The following PLCB1 variants were observed in gnomAD, a reference collection of about 807,000 sequenced individuals.
PLCB1 encodes the protein phospholipase C beta 1, also known as 1-phosphatidylinositol 4,5-bisphosphate phosphodiesterase beta-1.
In PLCB1, 46 loss-of-function variants were observed where a neutral mutation model predicts 161.8. The ratio of observed to expected loss-of-function variants is 0.28; its 90% CI spans 0.22 to 0.36. The LOEUF is 0.36. Among genes scored for constraint, PLCB1 ranks in the 10% least tolerant of loss-of-function variants. The pLI, the probability that PLCB1 is intolerant of heterozygous loss-of-function variation, is 1.00. For missense variants in PLCB1, 1,016 were observed against 1,472.5 expected, an observed-to-expected ratio of 0.69 and a Z score of 5.07; for synonymous variants, 517 against 503.7, an observed-to-expected ratio of 1.03 and a Z score of -0.35.
chr20:8,591,188 G>GC (rs1208107711), intron 3 of PLCB1, among the ~76,000 whole-genome samples: 1 of 152,124 alleles, frequency 6.6e-6, no homozygotes, highest in African/African-American at 2.4e-5. Context: ...ATTCCATGGT[G>GC]TATAAGATCA....
chr20:8,243,468 C>G (rs1980720067), intron 2 of PLCB1, among the ~76,000 whole-genome samples: 1 of 151,918 alleles, frequency 6.6e-6, no homozygotes, highest in African/African-American at 2.4e-5. Flanking sequence ...CCTGCCAGTT[C>G]CTGGTGGAAG....
chr20:8,657,261 A>G lies in PLCB1; in HGVS notation c.672A>G (p.Glu224=), dbSNP rs1555780720. Residue 224 remains glutamate, a synonymous_variant, in exon 8 of 32, where the codon GAA becomes GAG. Transcript: ENST00000338037. ...VFLNNLCPRP[E]IDNIFSEFGA... The stretch of plus-strand genomic sequence containing the variant: ...TCAACAACCTTTGCCCTCGACCTGA[A>G]ATTGATAACATCTTTTCAGAATTGT... 6.3e-7 allele frequency: 1 copy of G among 1,599,112 alleles called. No individual in the cohort carries two copies. The highest frequency in any genetic ancestry group is 8.6e-7 in the Non-Finnish European group (1 of 1,166,614).
intron 3 of PLCB1, among the ~76,000 whole-genome samples, chr20:8,450,585 C>T (rs1211906967): frequency 2.0e-5 from 3 of 152,022 alleles, no homozygotes; most frequent in Non-Finnish European, 2.9e-5. Context: ...CTCAAACATC[C>T]AGGTAGCTTT....
intron 12 of PLCB1, among the ~76,000 whole-genome samples, chr20:8,710,074 G>C (rs1043510091): frequency 6.6e-6 from 1 of 152,158 alleles, no homozygotes; most frequent in Non-Finnish European, 1.5e-5. Context: ...ATAAAGAAAT[G>C]CCTGGGTAAG....
chr20:8,574,985 C>T (rs1986631965), intron 3 of PLCB1, among the ~76,000 whole-genome samples: 2 of 152,176 alleles, frequency 1.3e-5, no homozygotes, highest in African/African-American at 2.4e-5. Flanking sequence ...GGACAATAGT[C>T]GTTAAAACAA....
chr20:8,604,663 G>A (rs1230502519), intron 3 of PLCB1, among the ~76,000 whole-genome samples: 1 of 152,102 alleles, frequency 6.6e-6, no homozygotes, highest in Non-Finnish European at 1.5e-5. Flanking sequence ...CTATAAAAGA[G>A]GCAGGAAGAG....
intron 10 of PLCB1, among the ~76,000 whole-genome samples, chr20:8,689,061 C>A (rs1221846201): frequency 6.9e-6 from 1 of 145,124 alleles, no homozygotes; most frequent in Non-Finnish European, 1.5e-5. Flanking sequence ...CCTTTTGACT[C>A]CTTTTTTAGG....
intron 3 of PLCB1, among the ~76,000 whole-genome samples, chr20:8,532,208 T>A (rs2122920942): frequency 6.6e-6 from 1 of 152,204 alleles, no homozygotes; most frequent in East Asian, 1.9e-4. Context: ...AAAATGAGCG[T>A]TTAAACTGGG....
At chr20:8,767,517 C>T (rs1223924218) in intron 26 of PLCB1, among the ~76,000 whole-genome samples, 1 of 152,148 alleles carries the variant, frequency 6.6e-6, no homozygotes, top group Admixed American at 6.5e-5. Flanking sequence ...GGCCCTTCTT[C>T]AATTGCAAGA....
intron 3 of PLCB1, among the ~76,000 whole-genome samples, chr20:8,463,851 A>G (rs1297815259): frequency 1.3e-5 from 2 of 152,198 alleles, no homozygotes; most frequent in Non-Finnish European, 2.9e-5. Flanking sequence ...CATTTTTACT[A>G]CAATCAATGC....
chr20:8,305,075 T>G (rs965030717), intron 2 of PLCB1, among the ~76,000 whole-genome samples: 1 of 152,214 alleles, frequency 6.6e-6, no homozygotes, highest in Non-Finnish European at 1.5e-5. Context: ...TCATTGTTTT[T>G]GAGGATGTGT....
intron 24 of PLCB1, 38 bp downstream of exon 24, chr20:8,757,216 A>G: frequency 1.9e-6 from 3 of 1,573,622 alleles, no homozygotes; most frequent in Non-Finnish European, 2.6e-6. Context: ...CATGAGCAAG[A>G]TCCTCCAGTT....
chr20:8,752,792 CAAA>C (rs1327859746), intron 23 of PLCB1, among the ~76,000 whole-genome samples: 5 of 87,272 alleles, frequency 5.7e-5, no homozygotes, highest in African/African-American at 8.3e-5. Flanking sequence ...GACTCCATCT[CAAA>C]AAAAAAAAAA....
chr20:8,469,213 G>A (rs1981944811), intron 3 of PLCB1, among the ~76,000 whole-genome samples: 1 of 152,082 alleles, frequency 6.6e-6, no homozygotes, highest in Non-Finnish European at 1.5e-5. Context: ...TCCCTAAGGT[G>A]GTTTATATCC....
intron 2 of PLCB1, among the ~76,000 whole-genome samples, chr20:8,254,063 C>G (rs1265269263): frequency 1.3e-5 from 2 of 151,902 alleles, no homozygotes; most frequent in Non-Finnish European, 2.9e-5. Context: ...GCTATTCACA[C>G]ATATATTGAA....
chr20:8,396,821 G>A (rs1987783220), intron 3 of PLCB1, among the ~76,000 whole-genome samples: 1 of 151,934 alleles, frequency 6.6e-6, no homozygotes, highest in Non-Finnish European at 1.5e-5. Flanking sequence ...TGTAAGCATG[G>A]CCATGATTCT....
At chr20:8,744,548 C>T (rs2123529378) in intron 23 of PLCB1, among the ~76,000 whole-genome samples, 1 of 150,022 alleles carries the variant, frequency 6.7e-6, no homozygotes, top group Admixed American at 6.7e-5. Context: ...ACAGAGGCTG[C>T]AATTAACTAT....
chr20:8,336,487 C>G (rs1470776850), intron 2 of PLCB1, among the ~76,000 whole-genome samples: 1 of 152,052 alleles, frequency 6.6e-6, no homozygotes, highest in African/African-American at 2.4e-5. Flanking sequence ...GCCATGAGTA[C>G]AATAGCATAG....
chr20:8,590,108 T>C (rs575458515), intron 3 of PLCB1, among the ~76,000 whole-genome samples: 51 of 152,188 alleles, frequency 3.4e-4, no homozygotes, highest in African/African-American at 1.2e-3. Flanking sequence ...GTTTCAATAA[T>C]ATAATAAATG....
Sources: allele counts gnomAD v4.1 joint callset (sites outside exome capture counted in the v4.1 genomes callset), GRCh38; gene constraint gnomAD v4.1.1; transcripts MANE v1.5; gene names NCBI Gene and HGNC (gene_info 2026-07-23, HGNC 2026-07-21).